C1orf87: variants seen among roughly 807,000 people sequenced by gnomAD.
The protein encoded by C1orf87 is uncharacterized protein C1orf87.
In C1orf87, 58 loss-of-function variants were observed where a neutral mutation model predicts 60.5. The observed-to-expected ratio is 0.96, with a 90% CI of 0.78 to 1.19. The LOEUF is 1.19. C1orf87 is among the 50% of genes most tolerant of loss of function. The probability of loss-of-function intolerance (pLI) is 0.00; values close to 1 mark genes in which losing one functional copy is unlikely to be tolerated. For missense variants in C1orf87, 673 were observed against 638.6 expected (o/e 1.05, Z -0.58); for synonymous variants, 236 against 227.4 (o/e 1.04, Z -0.34).
At chr1:60,033,410 G>T in intron 7 of C1orf87, 66 bp downstream of exon 7, 1 of 1,474,048 alleles carries the variant, frequency 6.8e-7, no homozygotes, top group Non-Finnish European at 9.3e-7. Flanking sequence ...GTGCCTTATT[G>T]CTATAGACCC....
intron 8 of C1orf87, among the ~76,000 whole-genome samples, chr1:60,020,539 C>T (rs778855428): frequency 3.3e-5 from 5 of 152,188 alleles, no homozygotes; most frequent in African/African-American, 7.2e-5. Context: ...TATTCTGGAG[C>T]TTTAAGATTT....
intron 2 of C1orf87, among the ~76,000 whole-genome samples, chr1:60,058,236 T>C (rs1645470813): frequency 1.3e-5 from 2 of 152,308 alleles, no homozygotes; most frequent in Admixed American, 6.5e-5. Flanking sequence ...GAAGAAAGCA[T>C]AACGGGGTTT....
At chr1:60,069,710 G>C (rs1244776113) in intron 2 of C1orf87, among the ~76,000 whole-genome samples, 1 of 152,126 alleles carries the variant, frequency 6.6e-6, no homozygotes, top group Non-Finnish European at 1.5e-5. Flanking sequence ...GACCACTGAG[G>C]CCTTAGTTAT....
intron 5 of C1orf87, among the ~76,000 whole-genome samples, chr1:60,039,126 A>C (rs1279903343): frequency 1.3e-5 from 2 of 152,172 alleles, no homozygotes; most frequent in African/African-American, 4.8e-5. Context: ...GAGATCATTG[A>C]GGCATGGGAG....
intron 2 of C1orf87, among the ~76,000 whole-genome samples, chr1:60,057,544 A>G (rs1362395973): frequency 1.3e-5 from 2 of 152,208 alleles, no homozygotes; most frequent in Non-Finnish European, 2.9e-5. Context: ...AGAGGATATC[A>G]TTGATGATAT....
chr1:60,054,284 G>A (rs566796223), intron 3 of C1orf87, among the ~76,000 whole-genome samples: 1 of 152,278 alleles, frequency 6.6e-6, no homozygotes, highest in African/African-American at 2.4e-5. Flanking sequence ...ACCTTGCAGA[G>A]TATAGCCTGA....
chr1:60,072,670 C>A lies in C1orf87; in HGVS notation c.-27G>T. 1 of 1,506,016 alleles carries A rather than the reference C, an allele frequency of 6.6e-7. No individual in the cohort carries two copies. 93.3% of individuals were successfully genotyped at this position (1,506,016 alleles called of 1,614,324 possible). On this transcript the variant is annotated splice_region_variant and 5_prime_UTR_variant, in exon 2 of 12. Transcript: ENST00000371201. ...ATTCCTTTCAAAATCCCTTCAGATC[C>A]CTAGGGGTGAAAATAAGTAAATTGT...
intron 5 of C1orf87, 71 bp downstream of exon 5, chr1:60,039,846 T>G: frequency 6.7e-7 from 1 of 1,489,402 alleles, no homozygotes; most frequent in Non-Finnish European, 9.1e-7. Context: ...AACTTCTTAG[T>G]CTTTTACCCT....
In C1orf87 at chr1:60,055,345, A is replaced by G; in HGVS notation, c.201T>C (p.Val67=). 6.2e-7 allele frequency: 1 copy of G among 1,614,074 alleles called. No individual in the cohort carries two copies. The highest frequency in any genetic ancestry group is 8.5e-7 in the Non-Finnish European group (1 of 1,180,004). Residue 67 remains valine (V), a synonymous_variant, in exon 3 of 12, where the codon GTT becomes GTC. Transcript: ENST00000371201. ...TTTGCTGATCAGTGAAGTTAATGGG[A>G]ACTGGGGTGTCTCTGCTCATCTGCC... is the stretch of plus-strand genomic sequence containing the variant. ...NARQMSRDTP[V]PINFTDQQTT... is the part of the protein sequence containing the mutation.
intron 11 of C1orf87, among the ~76,000 whole-genome samples, chr1:59,991,589 T>G (rs981185813): frequency 5.9e-5 from 9 of 152,206 alleles, no homozygotes; most frequent in African/African-American, 2.2e-4. Context: ...GAATCTGTAG[T>G]TGCGGAATAC....
chr1:60,008,490 G>C (rs1000046124), intron 9 of C1orf87, among the ~76,000 whole-genome samples: 3 of 151,974 alleles, frequency 2.0e-5, no homozygotes, highest in African/African-American at 7.2e-5. Flanking sequence ...TGGAGGTAGG[G>C]CCTTTAAAGA....
At chr1:60,005,849 C>T (rs781317547) in intron 9 of C1orf87, among the ~76,000 whole-genome samples, 3 of 148,260 alleles carry the variant, frequency 2.0e-5, no homozygotes, top group Non-Finnish European at 4.5e-5. Flanking sequence ...CTTCATTATC[C>T]CCTTCTGAAG....
At chr1:60,044,137 C>G (rs1272981347) in intron 3 of C1orf87, among the ~76,000 whole-genome samples, 1 of 152,238 alleles carries the variant, frequency 6.6e-6, no homozygotes, top group Non-Finnish European at 1.5e-5. Context: ...TCACACCATT[C>G]TCTTGCCTCA....
intron 2 of C1orf87, among the ~76,000 whole-genome samples, chr1:60,071,448 A>T (rs960095150): frequency 6.6e-6 from 1 of 152,222 alleles, no homozygotes; most frequent in Non-Finnish European, 1.5e-5. Flanking sequence ...CACACCTCTC[A>T]GCACTGTAGG....
chr1:60,036,193 G>T (rs1430436647), intron 6 of C1orf87, among the ~76,000 whole-genome samples: 1 of 152,168 alleles, frequency 6.6e-6, no homozygotes, highest in Non-Finnish European at 1.5e-5. Context: ...TAAAGGAAGA[G>T]ACTAGGCTTT....
chr1:60,070,445 C>T (rs1422164766), intron 2 of C1orf87, among the ~76,000 whole-genome samples: 1 of 151,994 alleles, frequency 6.6e-6, no homozygotes, highest in Non-Finnish European at 1.5e-5. Context: ...ATTTTGAGGC[C>T]CTGGTTTATG....
chr1:60,002,971 G>A (rs1484086108), intron 9 of C1orf87, among the ~76,000 whole-genome samples: 5 of 151,788 alleles, frequency 3.3e-5, no homozygotes, highest in East Asian at 1.9e-4. Flanking sequence ...CCATTACTGG[G>A]TATATACCCG....
chr1:60,030,410 A>C (rs1320287217), intron 7 of C1orf87, among the ~76,000 whole-genome samples: 1 of 152,224 alleles, frequency 6.6e-6, no homozygotes, highest in African/African-American at 2.4e-5. Flanking sequence ...CCACTTAAAC[A>C]CATGTCCTAG....
At chr1:60,072,903 T>G (rs1019533953) in intron 1 of C1orf87, among the ~76,000 whole-genome samples, 1 of 152,176 alleles carries the variant, frequency 6.6e-6, no homozygotes, top group Non-Finnish European at 1.5e-5. Flanking sequence ...TCACATCACA[T>G]CACATCACCA....
Sources: gnomAD v4.1 joint callset for allele counts (sites outside exome capture counted in the v4.1 genomes callset) on GRCh38, gnomAD v4.1.1 for gene constraint, MANE v1.5 for transcripts, NCBI Gene and HGNC (gene_info 2026-07-23, HGNC 2026-07-21) for gene names.